Variants in HCK observed in about 807,000 individuals in gnomAD.
The protein encoded by HCK is tyrosine-protein kinase HCK.
Under a neutral mutation model 70.4 loss-of-function variants are expected in HCK, and 40 were observed. The ratio of observed to expected loss-of-function variants is 0.57; its 90% CI spans 0.44 to 0.74. The LOEUF (loss-of-function observed/expected upper bound fraction) is 0.74. HCK is among the 30% of genes least tolerant of loss of function. The probability of loss-of-function intolerance (pLI) is 0.00; values close to 1 mark genes in which losing one functional copy is unlikely to be tolerated. For missense variants in HCK, 568 were observed against 697.2 expected (o/e 0.81, Z 2.09); for synonymous variants, 245 against 263.2 (o/e 0.93, Z 0.67).
Position 32,093,957 on chromosome 20 carries a change from A to G in HCK, c.1187A>G (p.Lys396Arg). The G allele has an allele frequency of 6.2e-7, 1 of 1,613,272 alleles. No individual in the cohort carries two copies. Among genetic ancestry groups the G allele is most frequent in the Non-Finnish European group, 8.5e-7 (1 of 1,179,886 alleles). Residue 396 changes from lysine (K) to arginine (R), a missense_variant, in exon 11 of 13, where the codon AAG becomes AGG. Lys to Arg is a conservative substitution (Grantham distance 26). Transcript: ENST00000375852. The stretch of plus-strand genomic sequence containing the variant: ...TTGGTCTCTGCATCCCTGGTGTGTA[A>G]GATTGCTGACTTTGGCCTGGCCCGG...
chr20:32,088,686 C>T lies in HCK; in HGVS notation c.1092+42C>T, dbSNP rs764256093. ...GAAACGGGGAAGGGAAACAGGAATTCGATTTTTTTACTTGCCAAATATTTA... is the reference window on the plus strand; with the variant it reads ...GAAACGGGGAAGGGAAACAGGAATTTGATTTTTTTACTTGCCAAATATTTA... On this transcript the variant is annotated intron_variant, in intron 10 of 12. Transcript: ENST00000375852. 145 of 1,522,230 alleles carry T rather than the reference C, an allele frequency of 9.5e-5. 1 individual carries two copies. Among genetic ancestry groups the T allele is most frequent in the South Asian group, 1.5e-4 (13 of 87,480 alleles). The allele number at this position is 1,522,230 out of a possible 1,614,324, so 94.3% of individuals were successfully genotyped here. A position where few individuals can be genotyped will look rare whatever the true frequency, so the allele number is the denominator to read the frequency against.
intron 6 of HCK, among the ~76,000 whole-genome samples, chr20:32,081,734 A>G (rs1379204728): frequency 6.6e-6 from 1 of 152,194 alleles, no homozygotes; most frequent in East Asian, 1.9e-4. Context: ...GAAGAAAAGG[A>G]GATAAAAAGA....
chr20:32,059,690 A>C (rs1186598479), intron 1 of HCK, among the ~76,000 whole-genome samples: 2 of 151,882 alleles, frequency 1.3e-5, no homozygotes, highest in African/African-American at 4.8e-5. Flanking sequence ...AATAAAAAAA[A>C]ATTCTGGTAG....
rs1204244650 is a variant in HCK at position 32,081,423 on chromosome 20, A to T, written c.532+1546A>T. 2.0e-5 allele frequency among the ~76,000 whole-genome samples: 3 copies of T among 152,324 alleles called. No individual in the cohort carries two copies. In the East Asian group the frequency reaches 5.8e-4, roughly 29 times the overall value. On this transcript the variant is annotated intron_variant, in intron 6 of 12. Transcript: ENST00000375852. ...AATGAACATCAGTAGGATTCTTATG[A>T]TTTCAGATTTCATGTGCTAAGTGCA...
intron 1 of HCK, among the ~76,000 whole-genome samples, chr20:32,070,140 A>G (rs535415901): frequency 7.9e-5 from 12 of 152,126 alleles, no homozygotes; most frequent in East Asian, 1.9e-4. Context: ...AACCTGTCCA[A>G]TGCTTACCTC....
chr20:32,086,832 G>T, intron 9 of HCK, 25 bp downstream of exon 9: 1 of 1,558,350 alleles, frequency 6.4e-7, no homozygotes, highest in Non-Finnish European at 8.7e-7. Context: ...GGCTGGGGGT[G>T]CAGGCTGTGG....
intron 6 of HCK, among the ~76,000 whole-genome samples, chr20:32,081,869 A>G (rs1274770572): frequency 6.6e-6 from 1 of 152,246 alleles, no homozygotes; most frequent in Non-Finnish European, 1.5e-5. Context: ...TCTGTGGGGC[A>G]GGAAAATGAG....
intron 1 of HCK, among the ~76,000 whole-genome samples, chr20:32,058,524 C>T (rs2045309147): frequency 1.0e-5 from 1 of 95,594 alleles, no homozygotes; most frequent in South Asian, 4.0e-4. Flanking sequence ...AACAGCAAGA[C>T]TCTGTCAAAA....
chr20:32,075,096 G>T (rs1462631294), intron 5 of HCK, among the ~76,000 whole-genome samples: 2 of 152,226 alleles, frequency 1.3e-5, no homozygotes, highest in Non-Finnish European at 2.9e-5. Flanking sequence ...CATGCAGTCA[G>T]TGCTCAATAA....
intron 5 of HCK, among the ~76,000 whole-genome samples, chr20:32,078,063 C>G (rs1468539644): frequency 6.6e-6 from 1 of 150,458 alleles, no homozygotes; most frequent in Non-Finnish European, 1.5e-5. Flanking sequence ...GAGACAGAGT[C>G]TCGCTCTGTT....
At chr20:32,089,520 G>A (rs528456351) in intron 10 of HCK, among the ~76,000 whole-genome samples, 8 of 152,190 alleles carry the variant, frequency 5.3e-5, no homozygotes, top group Non-Finnish European at 1.0e-4. Flanking sequence ...AAATCTCTTA[G>A]AGACCATGAC....
At chr20:32,094,093 C>T (rs2045902058) in intron 11 of HCK, 77 bp downstream of exon 11, 24 of 1,409,458 alleles carry the variant, frequency 1.7e-5, no homozygotes, top group South Asian at 1.5e-4. Context: ...CTTGTGAGAG[C>T]GATTGGTAAA....
chr20:32,074,555 G>T, intron 4 of HCK, 68 bp from the exon 5 acceptor site: 1 of 1,176,260 alleles, frequency 8.5e-7, no homozygotes, highest in South Asian at 1.2e-5. Context: ...GGTCAAGGCT[G>T]GGGAGCTTGA....
At chr20:32,058,442 G>A (rs985678821) in intron 1 of HCK, among the ~76,000 whole-genome samples, 1 of 150,730 alleles carries the variant, frequency 6.6e-6, no homozygotes, top group East Asian at 2.0e-4. Flanking sequence ...CGAGGCAGGA[G>A]AATTGCTGGA....
intron 1 of HCK, among the ~76,000 whole-genome samples, chr20:32,065,419 C>A (rs2045441195): frequency 1.3e-5 from 2 of 152,144 alleles, no homozygotes; most frequent in Non-Finnish European, 2.9e-5. Flanking sequence ...TGCTCGTGGA[C>A]TGGAAAAATC....
chr20:32,093,510 TGTGTGTGTGTGTGCATGTGCAC>T lies in HCK; in HGVS notation c.1093-342_1093-321del, dbSNP rs1454805765. On this transcript the variant is annotated intron_variant, in intron 10 of 12. Transcript: ENST00000375852. Reference sequence around the variant, plus strand: ...GGGTTCGTGTGTGTGTGTGTGTGTGTGTGTGTGTGTGTGCATGTGCACGTGTGTGTGTATGTGTGTTCCTGGA... The same window carrying T: ...GGGTTCGTGTGTGTGTGTGTGTGTGTGTGTGTGTGTATGTGTGTTCCTGGA... 9.2e-5 allele frequency among the ~76,000 whole-genome samples: 14 copies of T among 151,888 alleles called. No homozygotes were observed. In the South Asian group the frequency reaches 2.9e-3, roughly 32 times the overall value.
rs771849634 is a variant in HCK, at chr20:32,088,605, C to G, written c.1053C>G (p.Ser351Arg). 30 of 1,613,916 alleles carry G rather than the reference C, an allele frequency of 1.9e-5. No individual in the cohort carries two copies. Among genetic ancestry groups the G allele is most frequent in the Non-Finnish European group, 2.5e-5 (29 of 1,180,006 alleles). ...ACTTTCTGAAAAGTGATGAGGGCAG[C>G]AAGCAGCCATTGCCAAAACTCATTG... Residue 351 changes from serine to arginine, a missense_variant, in exon 10 of 13, where the codon AGC (serine) becomes AGG (arginine). Ser to Arg is a moderately radical substitution (Grantham distance 110). Coordinates refer to ENST00000375852, the MANE Select transcript of HCK (RefSeq NM_002110.5).
intron 1 of HCK, among the ~76,000 whole-genome samples, chr20:32,063,634 A>G (rs532115591): frequency 1.2e-4 from 19 of 152,038 alleles, no homozygotes; most frequent in African/African-American, 4.6e-4. Flanking sequence ...CTACTCTAAT[A>G]GGTCTAGTAC....
At chr20:32,079,212 T>C (rs1446948773) in intron 5 of HCK, among the ~76,000 whole-genome samples, 2 of 152,224 alleles carry the variant, frequency 1.3e-5, no homozygotes, top group African/African-American at 2.4e-5. Flanking sequence ...AATCTCACAT[T>C]GTAGCTTAGA....
Sources: allele counts gnomAD v4.1 joint callset (sites outside exome capture counted in the v4.1 genomes callset), GRCh38; gene constraint gnomAD v4.1.1; transcripts MANE v1.5; gene names NCBI Gene and HGNC (gene_info 2026-07-23, HGNC 2026-07-21).